The following BASP1 variants were observed in gnomAD, a reference collection of about 807,000 sequenced individuals.
BASP1 encodes the protein brain abundant membrane attached signal protein 1, also known as brain acid soluble protein 1.
A neutral mutation model predicts 2.2 loss-of-function variants in BASP1; 1 was observed. That is an observed-to-expected ratio of 0.46 (90% CI 0.16 to 2.17). BASP1 has a LOEUF of 2.17. Among genes scored for constraint, BASP1 ranks in the 30% most tolerant of loss-of-function variants. The probability of loss-of-function intolerance (pLI) is 0.27; values close to 1 mark genes in which losing one functional copy is unlikely to be tolerated. For synonymous variants in BASP1, 187 were observed against 154.2 expected, an observed-to-expected ratio of 1.21 and a Z score of -1.58; for missense variants, 352 against 327.2, an observed-to-expected ratio of 1.08 and a Z score of -0.58.
chr5:17,231,237 G>T (rs1224681329), intron 1 of BASP1, among the ~76,000 whole-genome samples: 2 of 152,158 alleles, frequency 1.3e-5, no homozygotes, highest in Admixed American at 6.5e-5. Flanking sequence ...TTTCCTGGTA[G>T]ATAGCACCTT....
At chr5:17,263,528 G>A (rs1740360317) in intron 1 of BASP1, among the ~76,000 whole-genome samples, 1 of 152,312 alleles carries the variant, frequency 6.6e-6, no homozygotes, top group African/African-American at 2.4e-5. Flanking sequence ...GATTTTTGAT[G>A]AGAGATCCCC....
intron 1 of BASP1, among the ~76,000 whole-genome samples, chr5:17,270,864 C>T (rs572869542): frequency 1.2e-4 from 18 of 152,110 alleles, no homozygotes; most frequent in East Asian, 1.2e-3. Context: ...TTAAAGGAAA[C>T]GGAAGGACGA....
intron 1 of BASP1, among the ~76,000 whole-genome samples, chr5:17,253,803 C>T (rs924802664): frequency 5.3e-5 from 8 of 152,148 alleles, no homozygotes; most frequent in South Asian, 2.1e-4. Flanking sequence ...CAAGGGAGAG[C>T]GTGGATACTT....
chr5:17,228,999 A>G (rs757462736), intron 1 of BASP1, among the ~76,000 whole-genome samples: 2 of 152,154 alleles, frequency 1.3e-5, no homozygotes, highest in Non-Finnish European at 2.9e-5. Context: ...GTGAGAATTC[A>G]GAGATGTATA....
At chr5:17,262,949 C>G (rs1313333638) in intron 1 of BASP1, among the ~76,000 whole-genome samples, 3 of 151,984 alleles carry the variant, frequency 2.0e-5, no homozygotes, top group Non-Finnish European at 4.4e-5. Context: ...CTGGTTCATG[C>G]CATTCTCCTG....
chr5:17,243,012 G>T (rs1739899212), intron 1 of BASP1, among the ~76,000 whole-genome samples: 1 of 152,004 alleles, frequency 6.6e-6, no homozygotes, highest in Non-Finnish European at 1.5e-5. Flanking sequence ...GAAAATCTGG[G>T]TATGAAACCA....
chr5:17,227,281 G>A (rs962599305), intron 1 of BASP1, among the ~76,000 whole-genome samples: 3 of 149,522 alleles, frequency 2.0e-5, no homozygotes, highest in African/African-American at 2.5e-5. Context: ...GTGCAGTGGC[G>A]CAATTTCTGC....
rs1363505263 is a variant in BASP1 at position 17,256,142 on chromosome 5, A to T, written c.-9-19066A>T. On this transcript the variant is annotated intron_variant, in intron 1 of 1. Coordinates refer to ENST00000322611, the MANE Select transcript of BASP1 (RefSeq NM_006317.5). ...GCTTCCACCTTGGCCCATATCTCAG[A>T]GCACAAACAATTTGAAGGACATTCC... Among the ~76,000 whole-genome samples, 2 of 152,218 alleles carry T rather than the reference A, an allele frequency of 1.3e-5. 1 individual carries two copies. Among genetic ancestry groups the T allele is most frequent in the African/African-American group, 4.8e-5 (2 of 41,454 alleles).
At chr5:17,257,814 T>C (rs1400806041) in intron 1 of BASP1, among the ~76,000 whole-genome samples, 1 of 152,220 alleles carries the variant, frequency 6.6e-6, no homozygotes, top group African/African-American at 2.4e-5. Flanking sequence ...GAAAACAGTA[T>C]TGTCTCACAG....
intron 1 of BASP1, among the ~76,000 whole-genome samples, chr5:17,254,936 C>A (rs866662154): frequency 6.6e-6 from 1 of 152,180 alleles, no homozygotes; most frequent in East Asian, 1.9e-4. Context: ...CTGAGACTGA[C>A]GGGTATCTTG....
rs145898015 is a variant in BASP1 at position 17,262,464 on chromosome 5, A to T, written c.-9-12744A>T. On this transcript the variant is annotated intron_variant, in intron 1 of 1. Coordinates refer to ENST00000322611, the MANE Select transcript of BASP1 (RefSeq NM_006317.5). ...ATCTTGGGCAAGTTATTTATCTCCT[A>T]TGTGTCTTTGTTTCCTCATGCTAAA... is the stretch of plus-strand genomic sequence containing the variant. Among the ~76,000 whole-genome samples, 504 of 152,256 alleles carry T rather than the reference A, an allele frequency of 3.3e-3. 5 individuals carry two copies. Among genetic ancestry groups the T allele is most frequent in the African/African-American group, 0.012 (481 of 41,546 alleles).
upstream of BASP1, chr5:17,217,629 G>A: frequency 6.4e-6 from 1 of 156,578 alleles, no homozygotes; most frequent in Non-Finnish European, 1.4e-5. Context: ...GGCGGCGGCG[G>A]CAGTAGCGGC....
At chr5:17,230,717 C>T (rs1488169808) in intron 1 of BASP1, among the ~76,000 whole-genome samples, 2 of 152,022 alleles carry the variant, frequency 1.3e-5, no homozygotes, top group African/African-American at 2.4e-5. Flanking sequence ...GTGTGTGCCA[C>T]CATGCCTGGC....
intron 1 of BASP1, among the ~76,000 whole-genome samples, chr5:17,272,914 A>G (rs1169762206): frequency 1.3e-5 from 2 of 152,218 alleles, no homozygotes; most frequent in Non-Finnish European, 2.9e-5. Flanking sequence ...GGATTGCTGT[A>G]TAGAATTTCA....
upstream of BASP1, chr5:17,216,881 C>T (rs1212372169): frequency 6.6e-6 from 1 of 152,498 alleles, no homozygotes; most frequent in East Asian, 1.9e-4. The surrounding 1 kb of genome is among the most constrained non-coding windows in gnomAD (Gnocchi z 6.4). Flanking sequence ...CTCACCCCAA[C>T]CTCGCTGCCA....
In BASP1 at chr5:17,275,965, C is replaced by A. The variant is rs999957272; in HGVS notation, c.*65C>A. The A allele has an allele frequency of 6.2e-5, 77 of 1,236,448 alleles. No individual in the cohort carries two copies. In the African/African-American group the frequency reaches 7.1e-4, roughly 11 times the overall value. The allele number at this position is 1,236,448 out of a possible 1,614,324, so 76.6% of individuals were successfully genotyped here. On this transcript the variant is annotated 3_prime_UTR_variant, in exon 2 of 2. Coordinates refer to ENST00000322611, the MANE Select transcript of BASP1 (RefSeq NM_006317.5). The surrounding 1 kb of genome is among the most constrained non-coding windows in gnomAD (Gnocchi z 5.3). Reference sequence around the variant, plus strand: ...ATCTCCTCTCTCTCTCTCTCTCTCTCTCTCTATCTCTCTCTCTATCTCCTC... The same window carrying A: ...ATCTCCTCTCTCTCTCTCTCTCTCTATCTCTATCTCTCTCTCTATCTCCTC...
chr5:17,275,985 C>A lies in BASP1; in HGVS notation c.*85C>A. ...TCTCTCTCTCTATCTCTCTCTCTAT[C>A]TCCTCTCTCTCTCTCCTCTCCTATC... is the stretch of plus-strand genomic sequence containing the variant. On this transcript the variant is annotated 3_prime_UTR_variant, in exon 2 of 2. Transcript: ENST00000322611. This position sits in a 1 kb window ranked among gnomAD's most constrained non-coding sequence, Gnocchi z 5.3. 1 of 1,201,630 alleles carries A rather than the reference C, an allele frequency of 8.3e-7. No homozygotes were observed. Among genetic ancestry groups the A allele is most frequent in the Non-Finnish European group, 1.1e-6 (1 of 892,768 alleles). The allele number at this position is 1,201,630 out of a possible 1,614,324, so 74.4% of individuals were successfully genotyped here.
chr5:17,224,596 AAT>A (rs1487509170), intron 1 of BASP1, among the ~76,000 whole-genome samples: 10 of 152,338 alleles, frequency 6.6e-5, no homozygotes, highest in South Asian at 2.1e-4. Context: ...GTATACTTCT[AAT>A]ATTTCATCAG....
At chr5:17,226,989 C>T (rs186701074) in intron 1 of BASP1, among the ~76,000 whole-genome samples, 3,011 of 150,600 alleles carry the variant, frequency 0.02, 65 homozygotes, top group Middle Eastern at 0.076. Flanking sequence ...AGTGCAGTGG[C>T]GCAATCTCAG....
Sources: gnomAD v4.1 joint callset for allele counts (sites outside exome capture counted in the v4.1 genomes callset) on GRCh38, gnomAD v4.1.1 for gene constraint, Gnocchi (gnomAD v3.1) non-coding constraint, MANE v1.5 for transcripts, NCBI Gene and HGNC (gene_info 2026-07-23, HGNC 2026-07-21) for gene names.